FSTL5: variants seen among roughly 807,000 people sequenced by gnomAD.
The protein encoded by FSTL5 is follistatin-related protein 5.
In FSTL5, 62 loss-of-function variants were observed where a neutral mutation model predicts 89.1. The ratio of observed to expected loss-of-function variants is 0.70; its 90% CI spans 0.57 to 0.86. The LOEUF (loss-of-function observed/expected upper bound fraction) is 0.86, where lower values mean the gene tolerates loss of function less well. Among genes scored for constraint, FSTL5 ranks in the 40% least tolerant of loss-of-function variants. The pLI is 0.00. For missense variants in FSTL5, 1,057 were observed against 1,001.6 expected (o/e 1.06, Z -0.75); for synonymous variants, 383 against 346.2 (o/e 1.11, Z -1.18).
intron 4 of FSTL5, among the ~76,000 whole-genome samples, chr4:161,873,673 C>T (rs1732348976): frequency 6.7e-6 from 1 of 149,644 alleles, no homozygotes; most frequent in African/African-American, 2.5e-5. Flanking sequence ...TAAAACATTT[C>T]CTATATTTTG....
intron 4 of FSTL5, among the ~76,000 whole-genome samples, chr4:161,785,407 G>A (rs1449934854): frequency 2.6e-5 from 4 of 152,008 alleles, no homozygotes; most frequent in African/African-American, 4.8e-5. Context: ...AAGAACCTTT[G>A]GTTGATAAGG....
intron 12 of FSTL5, among the ~76,000 whole-genome samples, chr4:161,493,176 A>C (rs1578875903): frequency 6.6e-6 from 1 of 151,848 alleles, no homozygotes; most frequent in East Asian, 1.9e-4. Flanking sequence ...ATAAAGATTT[A>C]ATCATTAAAA....
chr4:162,028,310 C>T (rs190132310), intron 3 of FSTL5, among the ~76,000 whole-genome samples: 5 of 152,238 alleles, frequency 3.3e-5, no homozygotes, highest in Non-Finnish European at 7.4e-5. Context: ...GGTGAGGTGG[C>T]TCATGCTTGT....
intron 3 of FSTL5, among the ~76,000 whole-genome samples, chr4:161,977,172 G>T (rs960262348): frequency 6.6e-6 from 1 of 152,128 alleles, no homozygotes; most frequent in Non-Finnish European, 1.5e-5. Flanking sequence ...TATAATTGCT[G>T]CAAGTTGGTA....
intron 1 of FSTL5, among the ~76,000 whole-genome samples, chr4:162,155,950 G>T (rs1733452343): frequency 6.6e-6 from 1 of 152,146 alleles, no homozygotes; most frequent in Non-Finnish European, 1.5e-5. Context: ...GATGATTTCT[G>T]AACACAGTGG....
At chr4:161,436,482 T>C (rs1732565265) in intron 15 of FSTL5, among the ~76,000 whole-genome samples, 1 of 152,204 alleles carries the variant, frequency 6.6e-6, no homozygotes, top group African/African-American at 2.4e-5. Flanking sequence ...TTTCTTCCAT[T>C]TCTCCAACAT....
chr4:161,803,250 T>A (rs1729854395), intron 4 of FSTL5, among the ~76,000 whole-genome samples: 2 of 151,924 alleles, frequency 1.3e-5, no homozygotes, highest in Non-Finnish European at 2.9e-5. Context: ...ATCTACAAGA[T>A]TCTGTATTTA....
chr4:161,728,785 A>G (rs1328681649), intron 6 of FSTL5, among the ~76,000 whole-genome samples: 1 of 152,188 alleles, frequency 6.6e-6, no homozygotes, highest in Non-Finnish European at 1.5e-5. Flanking sequence ...TATGAGGGGT[A>G]TGCGATGGTA....
At chr4:162,139,782 G>A (rs1318684931) in intron 1 of FSTL5, among the ~76,000 whole-genome samples, 2 of 152,032 alleles carry the variant, frequency 1.3e-5, no homozygotes, top group East Asian at 3.9e-4. Flanking sequence ...AGGAACAAAA[G>A]TCACACATCA....
intron 3 of FSTL5, among the ~76,000 whole-genome samples, chr4:161,960,865 A>G (rs1305357757): frequency 6.6e-6 from 1 of 152,074 alleles, no homozygotes; most frequent in Non-Finnish European, 1.5e-5. Flanking sequence ...AAATAAACTA[A>G]CAAGTCAGGA....
chr4:161,671,669 T>A (rs1182709299), intron 6 of FSTL5, among the ~76,000 whole-genome samples: 1 of 152,116 alleles, frequency 6.6e-6, no homozygotes, highest in African/African-American at 2.4e-5. Context: ...AGTGAGTTCA[T>A]AAACTACTCC....
chr4:162,068,940 A>G (rs1375533785), intron 2 of FSTL5, among the ~76,000 whole-genome samples: 1 of 152,176 alleles, frequency 6.6e-6, no homozygotes, highest in Non-Finnish European at 1.5e-5. Flanking sequence ...AGCATTTGAA[A>G]AAAAGCTCAA....
chr4:162,078,485 T>C (rs1729957716), intron 2 of FSTL5, among the ~76,000 whole-genome samples: 1 of 151,816 alleles, frequency 6.6e-6, no homozygotes. Context: ...ATATTATAAA[T>C]TGGTAACCAA....
intron 2 of FSTL5, among the ~76,000 whole-genome samples, chr4:162,095,206 G>A (rs1042058314): frequency 6.6e-6 from 1 of 152,060 alleles, no homozygotes; most frequent in Non-Finnish European, 1.5e-5. Context: ...GGTTTCAAGA[G>A]AGGCCAAGTC....
Position 161,806,462 on chromosome 4 carries a change from G to A in FSTL5, c.410-30388C>T, listed in dbSNP as rs570963004. Reference sequence around the variant, plus strand: ...CATGTTAAATGAAAATTCATGGGATGAGTGTAAAAGAAAAGTATCCAACAA... The same window carrying A: ...CATGTTAAATGAAAATTCATGGGATAAGTGTAAAAGAAAAGTATCCAACAA... On this transcript the variant is annotated intron_variant, in intron 4 of 15. Coordinates refer to ENST00000306100, the MANE Select transcript of FSTL5 (RefSeq NM_020116.5). Among the ~76,000 whole-genome samples the A allele has an allele frequency of 7.2e-5, 11 of 152,216 alleles. No individual in the cohort carries two copies. In the East Asian group the frequency reaches 2.1e-3, roughly 29 times the overall value.
At chr4:161,649,868 G>A (rs74715910) in intron 7 of FSTL5, among the ~76,000 whole-genome samples, 600 of 152,236 alleles carry the variant, frequency 3.9e-3, no homozygotes, top group African/African-American at 0.014. Context: ...ATACCGCTAC[G>A]GAACTGGAAT....
chr4:161,979,862 C>T (rs1234621461), intron 3 of FSTL5, among the ~76,000 whole-genome samples: 1 of 151,964 alleles, frequency 6.6e-6, no homozygotes, highest in Non-Finnish European at 1.5e-5. Context: ...TGTTCAATTC[C>T]ATAATGAGTG....
intron 2 of FSTL5, among the ~76,000 whole-genome samples, chr4:162,060,555 C>G (rs2111280575): frequency 6.6e-6 from 1 of 151,920 alleles, no homozygotes; most frequent in Admixed American, 6.6e-5. Context: ...ATAGTATATT[C>G]TACATATGAT....
At chr4:161,712,066 G>GA (rs1209613985) in intron 6 of FSTL5, among the ~76,000 whole-genome samples, 4 of 152,022 alleles carry the variant, frequency 2.6e-5, no homozygotes, top group Admixed American at 6.6e-5. Context: ...TCAAGAATAA[G>GA]AAAAAACATG....
Sources: allele counts gnomAD v4.1 joint callset (sites outside exome capture counted in the v4.1 genomes callset), GRCh38; gene constraint gnomAD v4.1.1; transcripts MANE v1.5; gene names NCBI Gene and HGNC (gene_info 2026-07-23, HGNC 2026-07-21).